Variants in PPP4R3A observed in about 807,000 individuals in gnomAD.
PPP4R3A encodes the protein protein phosphatase 4 regulatory subunit 3A, also known as serine/threonine-protein phosphatase 4 regulatory subunit 3A.
In PPP4R3A, 15 loss-of-function variants were observed where a neutral mutation model predicts 91.7. That is an observed-to-expected ratio of 0.16 (90% CI 0.11 to 0.25). The LOEUF is 0.25. Ranked by LOEUF, PPP4R3A falls within the 10% of genes least tolerant of loss-of-function variation. The pLI is 1.00. For synonymous variants in PPP4R3A, 377 were observed against 348.7 expected (o/e 1.08, Z -0.91); for missense variants, 623 against 998.4 (o/e 0.62, Z 5.07).
At chr14:91,475,041 C>T (rs1218776294) in intron 7 of PPP4R3A, 1 of 151,958 alleles carries the variant, frequency 6.6e-6, no homozygotes, top group South Asian at 2.1e-4. Context: ...ATACCACAGG[C>T]TGGAATTCTA....
In PPP4R3A at chr14:91,473,324, G is replaced by T. The variant is rs1453949515; in HGVS notation, c.1313C>A (p.Thr438Lys). 1 of 1,614,034 alleles carries T rather than the reference G, an allele frequency of 6.2e-7. No homozygotes were observed. The highest frequency in any genetic ancestry group is 1.7e-5 in the Admixed American group (1 of 60,004). ...GACTGCTCCTCCAAGTTCAGGATCT[G>T]TATCACAAATCATATGTTCTATAAT... ...NLIIEHMICD[T>K]DPELGGAVQL... The change falls in exon 8 of 15, where the codon ACA (threonine) becomes AAA (lysine). Residue 438 changes from threonine to lysine, a missense_variant. Transcript: ENST00000554943.
chr14:91,457,716 A>T lies in PPP4R3A; in HGVS notation c.*1043T>A, dbSNP rs1887850915. The T allele has an allele frequency of 6.6e-6, 1 of 152,670 alleles. No homozygotes were observed. Among genetic ancestry groups the T allele is most frequent in the African/African-American group, 2.4e-5 (1 of 41,470 alleles). The allele number at this position is 152,670 out of a possible 1,614,324, so 9.5% of individuals were successfully genotyped here. The stretch of plus-strand genomic sequence containing the variant: ...GTACCGTCATTTCCCCAAGAAAAGA[A>T]ATTTCAGAATCTCTTTGGAATACTA... On this transcript the variant is annotated 3_prime_UTR_variant, in exon 15 of 15. Transcript: ENST00000554943.
chr14:91,503,528 G>C (rs951986562), intron 1 of PPP4R3A, among the ~76,000 whole-genome samples: 2 of 152,146 alleles, frequency 1.3e-5, no homozygotes, highest in African/African-American at 4.8e-5. Context: ...TGTAAAACTG[G>C]CAGGTGGATA....
Position 91,509,831 on chromosome 14 carries a change from G to C in PPP4R3A, c.-184C>G. ...GGCCCGCTCCAGGGACCGAGCTCTG[G>C]GCCGCCGCCTTTCCTCGCCTCCGGC... On this transcript the variant is annotated 5_prime_UTR_variant, in exon 1 of 15. Coordinates refer to ENST00000554943, the MANE Select transcript of PPP4R3A (RefSeq NM_001366432.2). 2 of 1,179,786 alleles carry C rather than the reference G, an allele frequency of 1.7e-6. No homozygotes were observed. Among genetic ancestry groups the C allele is most frequent in the Non-Finnish European group, 2.1e-6 (2 of 957,344 alleles). The allele number at this position is 1,179,786 out of a possible 1,614,324, so 73.1% of individuals were successfully genotyped here. A position where few individuals can be genotyped will look rare whatever the true frequency, so the allele number is the denominator to read the frequency against.
intron 6 of PPP4R3A, 110 bp from the exon 7 acceptor site, chr14:91,476,076 A>G (rs758412605): frequency 1.3e-5 from 14 of 1,038,946 alleles, no homozygotes; most frequent in Non-Finnish European, 1.9e-5. Flanking sequence ...ATGTAAAAGA[A>G]AGGTCAAAGA....
chr14:91,459,584 T>A (rs1478241075), intron 14 of PPP4R3A, among the ~76,000 whole-genome samples: 3 of 152,020 alleles, frequency 2.0e-5, no homozygotes, highest in Non-Finnish European at 4.4e-5. Flanking sequence ...TCCAGCACTT[T>A]GGGAGGCTGA....
chr14:91,485,238 G>A (rs1455475303), intron 3 of PPP4R3A, among the ~76,000 whole-genome samples: 6 of 152,190 alleles, frequency 3.9e-5, no homozygotes, highest in Admixed American at 6.5e-5. Flanking sequence ...ATTTATTATC[G>A]AGGGACTGAA....
Position 91,497,054 on chromosome 14 carries a change from G to C in PPP4R3A, c.143-6252C>G, listed in dbSNP as rs539746696. 6.6e-5 allele frequency among the ~76,000 whole-genome samples: 10 copies of C among 152,174 alleles called. No homozygotes were observed. The South Asian group carries it at 1.9e-3, about 28-fold the overall frequency. Reference sequence around the variant, plus strand: ...TCCTACTAAGGTATGGGTATGGATGGGGATATAGAGCTCAACTTTAGGAGA... The same window carrying C: ...TCCTACTAAGGTATGGGTATGGATGCGGATATAGAGCTCAACTTTAGGAGA... On this transcript the variant is annotated intron_variant, in intron 1 of 14. Transcript: ENST00000554943.
intron 7 of PPP4R3A, 182 bp downstream of exon 7, chr14:91,475,629 A>G (rs533024928): frequency 3.9e-6 from 2 of 507,786 alleles, no homozygotes; most frequent in Admixed American, 7.7e-5. Flanking sequence ...AATGAACATA[A>G]ATAGTTGCTG....
Position 91,488,343 on chromosome 14 carries a change from G to A in PPP4R3A, c.198+2404C>T, listed in dbSNP as rs935703385. Among the ~76,000 whole-genome samples, 3 of 152,160 alleles carry A rather than the reference G, an allele frequency of 2.0e-5. No individual in the cohort carries two copies. In the East Asian group the frequency reaches 5.8e-4, roughly 29 times the overall value. ...GCCAGAAATAAACAGATAAGAATCT[G>A]ATTTGGTTGTGCAGTATTACTAAGT... On this transcript the variant is annotated intron_variant, in intron 2 of 14. Transcript: ENST00000554943.
intron 4 of PPP4R3A, among the ~76,000 whole-genome samples, chr14:91,479,517 A>G (rs751698702): frequency 2.8e-4 from 42 of 151,294 alleles, no homozygotes; most frequent in Non-Finnish European, 4.3e-4. Flanking sequence ...ATAGGCATGC[A>G]TCACCATACC....
Position 91,509,727 on chromosome 14 carries a change from GT to G in PPP4R3A, c.-81del. The G allele has an allele frequency of 7.0e-7, 1 of 1,425,930 alleles. No individual in the cohort carries two copies. Among genetic ancestry groups the G allele is most frequent in the Admixed American group, 3.0e-5 (1 of 33,226 alleles). 88.3% of individuals were successfully genotyped at this position (1,425,930 alleles called of 1,614,324 possible). ...GCCCTGGAGAGGCGAGGGGCGAGGC[GT>G]GAGGGCGCCCGCGAGCGGAGGGCTC... is the stretch of plus-strand genomic sequence containing the variant. On this transcript the variant is annotated 5_prime_UTR_variant, in exon 1 of 15. Coordinates refer to ENST00000554943, the MANE Select transcript of PPP4R3A (RefSeq NM_001366432.2).
chr14:91,486,906 A>AC, intron 2 of PPP4R3A, among the ~76,000 whole-genome samples: 1 of 29,810 alleles, frequency 3.4e-5, no homozygotes, highest in African/African-American at 1.1e-4. Flanking sequence ...CTCTGTCTCC[A>AC]AAAAAAAAAA....
intron 4 of PPP4R3A, 107 bp from the exon 5 acceptor site, chr14:91,477,093 G>A (rs1269864784): frequency 8.1e-6 from 6 of 743,342 alleles, no homozygotes; most frequent in Non-Finnish European, 1.2e-5. Context: ...AAGGAAAGGT[G>A]GTATTGGCAA....
At chr14:91,505,445 A>T (rs72701489) in intron 1 of PPP4R3A, among the ~76,000 whole-genome samples, 200 of 67,006 alleles carry the variant, frequency 3.0e-3, no homozygotes, top group Non-Finnish European at 2.6e-3. Flanking sequence ...GATTCTGCCT[A>T]AAAAAAAAAA....
chr14:91,464,789 A>G (rs1381420169), intron 11 of PPP4R3A, among the ~76,000 whole-genome samples: 2 of 152,252 alleles, frequency 1.3e-5, no homozygotes, highest in Non-Finnish European at 2.9e-5. Context: ...CCTACAAAGC[A>G]GCAGTCCCTA....
intron 1 of PPP4R3A, among the ~76,000 whole-genome samples, chr14:91,505,030 C>T (rs1395531000): frequency 2.6e-5 from 4 of 152,288 alleles, no homozygotes; most frequent in Admixed American, 1.3e-4. Flanking sequence ...AATTCCCAAA[C>T]GCTTTGTCAT....
intron 1 of PPP4R3A, among the ~76,000 whole-genome samples, chr14:91,495,000 A>G (rs1370880389): frequency 2.0e-5 from 3 of 152,236 alleles, no homozygotes; most frequent in African/African-American, 7.2e-5. Flanking sequence ...TTCTGGGAAT[A>G]TAAAATGAGG....
chr14:91,469,732 C>T (rs1888725288), intron 10 of PPP4R3A, among the ~76,000 whole-genome samples: 1 of 151,910 alleles, frequency 6.6e-6, no homozygotes, highest in Non-Finnish European at 1.5e-5. Context: ...CCACACCCAG[C>T]TTTCTATTTT....
Sources: allele counts gnomAD v4.1 joint callset (sites outside exome capture counted in the v4.1 genomes callset), GRCh38; gene constraint gnomAD v4.1.1; transcripts MANE v1.5; gene names NCBI Gene and HGNC (gene_info 2026-07-23, HGNC 2026-07-21).